SORCS3: variants seen among roughly 807,000 people sequenced by gnomAD.
SORCS3 encodes sortilin related VPS10 domain containing receptor 3.
In SORCS3, 57 loss-of-function variants were observed where a neutral mutation model predicts 146.3. The observed-to-expected ratio is 0.39, with a 90% CI of 0.31 to 0.49. The LOEUF (loss-of-function observed/expected upper bound fraction) is 0.49, where lower values mean the gene tolerates loss of function less well. Ranked by LOEUF, SORCS3 falls within the 20% of genes least tolerant of loss-of-function variation. The probability of loss-of-function intolerance (pLI) is 0.92; values close to 1 mark genes in which losing one functional copy is unlikely to be tolerated. For synonymous variants in SORCS3, 653 were observed against 618.5 expected (o/e 1.06, Z -0.83); for missense variants, 1,341 against 1,575.5 (o/e 0.85, Z 2.52).
intron 1 of SORCS3, among the ~76,000 whole-genome samples, chr10:104,813,929 CT>C (rs35625517): frequency 0.086 from 9,980 of 116,064 alleles, 856 homozygotes; most frequent in African/African-American, 0.26. Flanking sequence ...TCTTTTCTTT[CT>C]TTTTTTTTTT....
chr10:105,245,942 T>C (rs2056863870), intron 21 of SORCS3, among the ~76,000 whole-genome samples: 1 of 152,092 alleles, frequency 6.6e-6, no homozygotes, highest in Non-Finnish European at 1.5e-5. Context: ...TTGAAGGAAA[T>C]GCAAGCTGGG....
intron 2 of SORCS3, among the ~76,000 whole-genome samples, chr10:104,844,646 T>C (rs935894557): frequency 1.3e-5 from 2 of 152,146 alleles, no homozygotes; most frequent in African/African-American, 4.8e-5. Context: ...TTTTGGGCAT[T>C]TTACTTAATC....
rs140405064 is a variant in SORCS3, at chr10:104,684,245, C to T, written c.627+42291C>T. 8.7e-3 allele frequency among the ~76,000 whole-genome samples: 1,329 copies of T among 152,212 alleles called. 18 individuals are homozygous for T. The highest frequency in any genetic ancestry group is 0.03 in the African/African-American group (1,257 of 41,522). Reference sequence around the variant, plus strand: ...ATGGTACCACCTTATAGGGTGGCTGCGAGGATTAAAGGAGGTGCCATTCAT... The same window carrying T: ...ATGGTACCACCTTATAGGGTGGCTGTGAGGATTAAAGGAGGTGCCATTCAT... On this transcript the variant is annotated intron_variant, in intron 1 of 26. Coordinates refer to ENST00000369701, the MANE Select transcript of SORCS3 (RefSeq NM_014978.3).
intron 7 of SORCS3, among the ~76,000 whole-genome samples, chr10:105,132,895 GTAA>G (rs1354916321): frequency 6.6e-6 from 1 of 152,172 alleles, no homozygotes; most frequent in African/African-American, 2.4e-5. Flanking sequence ...AGGAAAAGTG[GTAA>G]TAATCTTTGG....
intron 4 of SORCS3, among the ~76,000 whole-genome samples, chr10:104,998,282 G>C (rs2055039264): frequency 6.6e-6 from 1 of 152,064 alleles, no homozygotes; most frequent in Non-Finnish European, 1.5e-5. Flanking sequence ...ATGTCGGGTG[G>C]ATGGCTTAAC....
At chr10:104,859,152 A>C (rs2018370869) in intron 2 of SORCS3, among the ~76,000 whole-genome samples, 1 of 152,086 alleles carries the variant, frequency 6.6e-6, no homozygotes, top group South Asian at 2.1e-4. Context: ...GACTTGGATA[A>C]TGAAATCTCT....
rs756698911 is a variant in SORCS3, at chr10:105,216,940, A to T, written c.2552A>T (p.Asp851Val). ...ATFIILMEEG[D>V]LQRTNIQLDF... ...GTCTGCTATGCCATCTTGCAGGGTGATCTACAAAGGACAAACATCCAGCTT... is the reference window on the plus strand; with the variant it reads ...GTCTGCTATGCCATCTTGCAGGGTGTTCTACAAAGGACAAACATCCAGCTT... The change falls in exon 19 of 27, where the codon GAT becomes GTT. Residue 851 changes from aspartate to valine, a missense_variant. Physicochemically the swap from Asp to Val is radical, Grantham distance 152. Transcript: ENST00000369701. The T allele has an allele frequency of 6.2e-7, 1 of 1,614,054 alleles. No homozygotes were observed. The highest frequency in any genetic ancestry group is 1.3e-5 in the African/African-American group (1 of 74,930).
At chr10:104,940,204 T>TTATTTATATATATA (rs2019297724) in intron 3 of SORCS3, among the ~76,000 whole-genome samples, 1 of 53,002 alleles carries the variant, frequency 1.9e-5, no homozygotes, top group Non-Finnish European at 4.5e-5. Context: ...TCCTTTTCTT[T>TTATTTATATATATA]TATATATATA....
intron 1 of SORCS3, among the ~76,000 whole-genome samples, chr10:104,726,080 T>G (rs2016628363): frequency 1.3e-5 from 2 of 152,226 alleles, no homozygotes; most frequent in Non-Finnish European, 2.9e-5. Context: ...CGCTGGGTGC[T>G]GTAGACTGGA....
chr10:105,008,696 G>C (rs1340460666), intron 4 of SORCS3, among the ~76,000 whole-genome samples: 1 of 152,196 alleles, frequency 6.6e-6, no homozygotes, highest in African/African-American at 2.4e-5. Flanking sequence ...GCCCCGGCTA[G>C]AGTGCAGTGG....
In SORCS3 at chr10:105,098,187, C is replaced by T. The variant is rs560626170; in HGVS notation, c.1094-7210C>T. Reference sequence around the variant, plus strand: ...TTGTGTGAACTCAGAGCTCTAGCAGCTCTTTAAGACTTCAGAGGCCAAAAC... The same window carrying T: ...TTGTGTGAACTCAGAGCTCTAGCAGTTCTTTAAGACTTCAGAGGCCAAAAC... On this transcript the variant is annotated intron_variant, in intron 6 of 26. Transcript: ENST00000369701. 2.0e-5 allele frequency among the ~76,000 whole-genome samples: 3 copies of T among 152,240 alleles called. No individual in the cohort carries two copies. The East Asian group carries it at 5.8e-4, about 29-fold the overall frequency.
At chr10:105,129,333 T>C (rs1412687) in intron 7 of SORCS3, among the ~76,000 whole-genome samples, 18,044 of 59,976 alleles carry the variant, frequency 0.3, 1,473 homozygotes, top group Admixed American at 0.38. Flanking sequence ...TTCTTTCTCT[T>C]TTTTTTTTTT....
chr10:104,899,939 C>T (rs2018833945), intron 2 of SORCS3, among the ~76,000 whole-genome samples: 2 of 152,030 alleles, frequency 1.3e-5, no homozygotes, highest in Admixed American at 1.3e-4. Flanking sequence ...GGCACAAAAG[C>T]CCAGCCCTCT....
rs545261368 is a variant in SORCS3, at chr10:104,814,249, T to C, written c.628-28543T>C. On this transcript the variant is annotated intron_variant, in intron 1 of 26. Transcript: ENST00000369701. ...TTCCTCTCTCTCTTCCTACCTGCAG[T>C]GAGTAGTATTACTAGCCTTTTCTAT... is the stretch of plus-strand genomic sequence containing the variant. 7.9e-5 allele frequency among the ~76,000 whole-genome samples: 12 copies of C among 152,236 alleles called. No individual in the cohort carries two copies. The South Asian group carries it at 2.5e-3, about 32-fold the overall frequency.
At chr10:105,082,984 T>A (rs1448237821) in intron 5 of SORCS3, among the ~76,000 whole-genome samples, 1 of 152,026 alleles carries the variant, frequency 6.6e-6, no homozygotes, top group Non-Finnish European at 1.5e-5. Flanking sequence ...CGCCTTGGCC[T>A]CCCAAAGTGC....
intron 4 of SORCS3, among the ~76,000 whole-genome samples, chr10:104,995,191 G>T (rs1340441632): frequency 8.1e-6 from 1 of 123,224 alleles, no homozygotes. Context: ...ATGGAGTCTT[G>T]CTCTGTCGTC....
intron 16 of SORCS3, among the ~76,000 whole-genome samples, chr10:105,206,286 G>A (rs889188057): frequency 2.0e-5 from 3 of 152,184 alleles, no homozygotes; most frequent in Non-Finnish European, 4.4e-5. Flanking sequence ...ATGGTCCAAA[G>A]CTATCATAGT....
chr10:105,108,066 A>G (rs1197553839), intron 7 of SORCS3, among the ~76,000 whole-genome samples: 1 of 152,234 alleles, frequency 6.6e-6, no homozygotes, highest in Non-Finnish European at 1.5e-5. Flanking sequence ...TACAAAATGT[A>G]TCAGATAATG....
intron 1 of SORCS3, among the ~76,000 whole-genome samples, chr10:104,811,267 T>A (rs1468780034): frequency 2.0e-5 from 3 of 152,202 alleles, no homozygotes; most frequent in African/African-American, 7.2e-5. Flanking sequence ...CCCAGCTTCA[T>A]GGGAGTGGGA....
Sources: gnomAD v4.1 joint callset for allele counts (sites outside exome capture counted in the v4.1 genomes callset) on GRCh38, gnomAD v4.1.1 for gene constraint, MANE v1.5 for transcripts, NCBI Gene and HGNC (gene_info 2026-07-23, HGNC 2026-07-21) for gene names.